INTS9: variants seen among roughly 807,000 people sequenced by gnomAD.
The protein encoded by INTS9 is integrator complex subunit 9.
Under a neutral mutation model 79.7 loss-of-function variants are expected in INTS9, and 55 were observed. That is an observed-to-expected ratio of 0.69 (90% CI 0.56 to 0.86). The LOEUF is 0.86. Among genes scored for constraint, INTS9 ranks in the 40% least tolerant of loss-of-function variants. INTS9 has a pLI of 0.00. For missense variants in INTS9, 721 were observed against 831.5 expected, an observed-to-expected ratio of 0.87 and a Z score of 1.64; for synonymous variants, 319 against 325.2, an observed-to-expected ratio of 0.98 and a Z score of 0.20.
chr8:28,804,898 T>C (rs1035398803), intron 8 of INTS9, among the ~76,000 whole-genome samples: 16 of 152,174 alleles, frequency 1.1e-4, no homozygotes, highest in Admixed American at 3.3e-4. Context: ...GCAGCATGAA[T>C]ACAGCTGAGA....
chr8:28,862,155 A>C, intron 1 of INTS9: 16 of 985,460 alleles, frequency 1.6e-5, no homozygotes, highest in Non-Finnish European at 1.9e-5. Flanking sequence ...CTCTTTGTGC[A>C]ATTCCAGTTT....
Position 28,775,896 on chromosome 8 carries a change from TG to T in INTS9, c.1425del (p.Tyr475Ter). The T allele has an allele frequency of 6.2e-7, 1 of 1,603,520 alleles. No individual in the cohort carries two copies. On this transcript the variant is annotated frameshift_variant, in exon 14 of 17. Coordinates refer to ENST00000521022, the MANE Select transcript of INTS9 (RefSeq NM_018250.4). LOFTEE classifies it high-confidence loss of function. ...QPLHVVCPEQ[Y>X]TQPPPAQSHR... ...TGGGACTGGGCTGGGGGCGGCTGAGTGTACTGCTCAGGACACACCACGTGCA... is the reference window on the plus strand; with the variant it reads ...TGGGACTGGGCTGGGGGCGGCTGAGTTACTGCTCAGGACACACCACGTGCA...
chr8:28,836,510 C>G (rs2131182527), intron 5 of INTS9, among the ~76,000 whole-genome samples: 1 of 152,324 alleles, frequency 6.6e-6, no homozygotes, highest in African/African-American at 2.4e-5. Context: ...CATTTGAAAA[C>G]TAAACAACTT....
chr8:28,807,895 G>A (rs1165733977), intron 8 of INTS9, among the ~76,000 whole-genome samples: 1 of 152,068 alleles, frequency 6.6e-6, no homozygotes, highest in Non-Finnish European at 1.5e-5. Context: ...AAGATACAAA[G>A]GTTAGAAGAG....
chr8:28,853,304 T>C (rs980193733), intron 2 of INTS9, among the ~76,000 whole-genome samples: 2 of 151,804 alleles, frequency 1.3e-5, no homozygotes, highest in African/African-American at 4.8e-5. Context: ...TCCCAGCTAC[T>C]TGAGAGGCCG....
chr8:28,840,815 T>A (rs1431337790), intron 4 of INTS9, among the ~76,000 whole-genome samples: 1 of 145,194 alleles, frequency 6.9e-6, no homozygotes, highest in African/African-American at 2.5e-5. Context: ...GGGGGAGGGA[T>A]AGCATTAAGA....
intron 6 of INTS9, among the ~76,000 whole-genome samples, chr8:28,815,707 A>G (rs1805431350): frequency 6.6e-6 from 1 of 152,212 alleles, no homozygotes; most frequent in Non-Finnish European, 1.5e-5. Flanking sequence ...GAAGAGATTT[A>G]AACAATTCAA....
chr8:28,868,838 C>T (rs1323728575), intron 1 of INTS9, among the ~76,000 whole-genome samples: 1 of 152,152 alleles, frequency 6.6e-6, no homozygotes, highest in East Asian at 1.9e-4. Context: ...TGCGGTGGCT[C>T]ATGGCTGTAA....
At position 28,794,004 on chromosome 8, in the gene INTS9, C is replaced by A; in HGVS notation, c.857-17G>T. 1.3e-6 allele frequency: 2 copies of A among 1,514,086 alleles called. No homozygotes were observed. The highest frequency in any genetic ancestry group is 2.6e-5 in the South Asian group (2 of 75,966). 93.8% of individuals were successfully genotyped at this position (1,514,086 alleles called of 1,614,324 possible). ...CTGTCAGAGCTAGAAAAGTGGATGC[C>A]AGAGGAGAAAAAACATCATATCAAA... On this transcript the variant is annotated splice_polypyrimidine_tract_variant and intron_variant, in intron 9 of 16. Coordinates refer to ENST00000521022, the MANE Select transcript of INTS9 (RefSeq NM_018250.4).
In INTS9 at chr8:28,768,043, A is replaced by C. The variant is rs1182008391; in HGVS notation, c.*103T>G. 9.3e-7 allele frequency: 1 copy of C among 1,074,120 alleles called. No individual in the cohort carries two copies. Among genetic ancestry groups the C allele is most frequent in the East Asian group, 2.4e-5 (1 of 42,522 alleles). 66.5% of individuals were successfully genotyped at this position (1,074,120 alleles called of 1,614,324 possible). ...TTCACTCCTTAAGCCAGAGGACACC[A>C]CAAAGACACAGTTAATGGCCTCTCA... On this transcript the variant is annotated 3_prime_UTR_variant, in exon 17 of 17. Transcript: ENST00000521022.
intron 13 of INTS9, chr8:28,776,197 G>A (rs1802868280): frequency 3.0e-6 from 1 of 336,468 alleles, no homozygotes; most frequent in Non-Finnish European, 5.4e-6. Context: ...TAACTTCCAT[G>A]TGTCTGCTCC....
chr8:28,852,054 A>G (rs1807868139), intron 2 of INTS9, among the ~76,000 whole-genome samples: 1 of 152,002 alleles, frequency 6.6e-6, no homozygotes, highest in Non-Finnish European at 1.5e-5. Context: ...CCCTGTCTCT[A>G]TAATAAATTA....
rs116866794 is a variant in INTS9, at chr8:28,791,261, T to C, written c.1037+2546A>G. Among the ~76,000 whole-genome samples the C allele has an allele frequency of 8.7e-3, 1,322 of 152,154 alleles. 13 individuals are homozygous for C. Among genetic ancestry groups the C allele is most frequent in the Non-Finnish European group, 0.014 (964 of 68,012 alleles). The stretch of plus-strand genomic sequence containing the variant: ...CAGAAGGCTCTATATAAAATGCACA[T>C]ATAATCATGTTCATTTCCTGCTTAG... On this transcript the variant is annotated intron_variant, in intron 10 of 16. Coordinates refer to ENST00000521022, the MANE Select transcript of INTS9 (RefSeq NM_018250.4).
chr8:28,787,933 C>A (rs373334741), intron 10 of INTS9, 44 bp from the exon 11 acceptor site: 2 of 1,434,890 alleles, frequency 1.4e-6, no homozygotes, highest in South Asian at 1.2e-5. Flanking sequence ...GAAGAGCATA[C>A]GGTGGCATCT....
intron 11 of INTS9, among the ~76,000 whole-genome samples, chr8:28,787,613 T>G (rs1370546497): frequency 6.6e-6 from 1 of 152,180 alleles, no homozygotes; most frequent in African/African-American, 2.4e-5. Flanking sequence ...CCACAACATT[T>G]TGGAGAAGGG....
intron 10 of INTS9, among the ~76,000 whole-genome samples, chr8:28,790,347 GA>G (rs2130938462): frequency 1.3e-5 from 2 of 152,238 alleles, no homozygotes; most frequent in South Asian, 4.1e-4. Context: ...CTTATTTAGG[GA>G]AAAAGGGTGC....
chr8:28,874,621 T>C (rs780762181), intron 1 of INTS9, among the ~76,000 whole-genome samples: 1 of 152,124 alleles, frequency 6.6e-6, no homozygotes, highest in Non-Finnish European at 1.5e-5. Flanking sequence ...TCCTTGAAAC[T>C]TTTCCTGGAA....
intron 9 of INTS9, among the ~76,000 whole-genome samples, 172 bp from the exon 10 acceptor site, chr8:28,794,159 T>C (rs1563255233): frequency 6.6e-6 from 1 of 152,344 alleles, no homozygotes; most frequent in East Asian, 1.9e-4. Flanking sequence ...GGGGATGCTA[T>C]AGGCTGATAA....
chr8:28,787,689 T>G, intron 11 of INTS9, 140 bp downstream of exon 11: 1 of 497,630 alleles, frequency 2.0e-6, no homozygotes, highest in Non-Finnish European at 3.7e-6. Context: ...GTTAAAATAC[T>G]TCCCTGTGTC....
Sources: gnomAD v4.1 joint callset for allele counts (sites outside exome capture counted in the v4.1 genomes callset) on GRCh38, gnomAD v4.1.1 for gene constraint, MANE v1.5 for transcripts, NCBI Gene and HGNC (gene_info 2026-07-23, HGNC 2026-07-21) for gene names.